The following SLCO1B3 variants were observed in gnomAD, a reference collection of about 807,000 sequenced individuals.
SLCO1B3 encodes liver-specific organic anion transporter 2.
A neutral mutation model predicts 71.8 loss-of-function variants in SLCO1B3; 72 were observed. That is an observed-to-expected ratio of 1.00 (90% confidence interval 0.83 to 1.22). The LOEUF (loss-of-function observed/expected upper bound fraction) is 1.22, where lower values mean the gene tolerates loss of function less well. SLCO1B3 is among the 50% of genes most tolerant of loss of function. The pLI, the probability that SLCO1B3 is intolerant of heterozygous loss-of-function variation, is 0.00. For missense variants in SLCO1B3, 911 were observed against 819.7 expected (o/e 1.11, Z -1.36); for synonymous variants, 298 against 278.4 (o/e 1.07, Z -0.70).
intron 11 of SLCO1B3, among the ~76,000 whole-genome samples, chr12:20,880,482 G>A (rs1167548431): frequency 6.6e-6 from 1 of 151,734 alleles, no homozygotes; most frequent in African/African-American, 2.4e-5. Flanking sequence ...AAGAGAAACT[G>A]AATCTCAGAA....
chr12:20,857,127 A>G (rs1865156210), intron 4 of SLCO1B3, among the ~76,000 whole-genome samples: 1 of 152,186 alleles, frequency 6.6e-6, no homozygotes, highest in African/African-American at 2.4e-5. Flanking sequence ...CTACTGTTTT[A>G]TAACATTCAA....
intron 3 of SLCO1B3, among the ~76,000 whole-genome samples, chr12:20,845,848 C>G (rs893140420): frequency 1.3e-5 from 2 of 152,094 alleles, no homozygotes; most frequent in African/African-American, 4.8e-5. Context: ...GTGTTGCTGT[C>G]TACTGATTTC....
chr12:20,842,357 G>C (rs999598731), intron 3 of SLCO1B3, among the ~76,000 whole-genome samples: 13 of 152,078 alleles, frequency 8.5e-5, no homozygotes, highest in African/African-American at 3.1e-4. Context: ...TAATTCTACT[G>C]ACTTTTGTTT....
intron 3 of SLCO1B3, among the ~76,000 whole-genome samples, chr12:20,829,333 A>G (rs1306104584): frequency 1.3e-5 from 2 of 152,168 alleles, no homozygotes; most frequent in African/African-American, 2.4e-5. Context: ...ACTGCTCTCT[A>G]CCATCCTAGA....
intron 8 of SLCO1B3, among the ~76,000 whole-genome samples, chr12:20,863,701 C>G (rs898843207): frequency 6.6e-6 from 1 of 152,094 alleles, no homozygotes; most frequent in Non-Finnish European, 1.5e-5. Context: ...TTTTATATCC[C>G]CAAACAACTT....
intron 15 of SLCO1B3, 98 bp downstream of exon 15, chr12:20,901,565 A>G: frequency 3.2e-6 from 2 of 627,022 alleles, no homozygotes; most frequent in South Asian, 2.1e-5. Context: ...TATTAATGAT[A>G]GCTACCATTT....
At chr12:20,863,946 A>ATT (rs200980650) in intron 8 of SLCO1B3, among the ~76,000 whole-genome samples, 1 of 150,926 alleles carries the variant, frequency 6.6e-6, no homozygotes, top group African/African-American at 2.4e-5. Flanking sequence ...TTCTTCTTAG[A>ATT]TTTTTTTTTA....
chr12:20,872,464 C>A (rs1474419635), intron 8 of SLCO1B3, among the ~76,000 whole-genome samples: 1 of 152,058 alleles, frequency 6.6e-6, no homozygotes, highest in Non-Finnish European at 1.5e-5. Flanking sequence ...GACAAAGTCG[C>A]CTTTATTTTT....
chr12:20,850,652 T>A lies in SLCO1B3; in HGVS notation c.85-4376T>A, dbSNP rs190966546. ...ATAGGTAGTTTTTCTATTCGCTGTA[T>A]TCTCCTAACTTCCACCCTCAGGTAG... On this transcript the variant is annotated intron_variant, in intron 3 of 15. Transcript: ENST00000381545. 6.6e-5 allele frequency among the ~76,000 whole-genome samples: 10 copies of A among 152,356 alleles called. No individual in the cohort carries two copies. The East Asian group carries it at 1.7e-3, about 26-fold the overall frequency.
intron 5 of SLCO1B3, 122 bp from the exon 6 acceptor site, chr12:20,860,895 A>G (rs1409699551): frequency 1.0e-6 from 1 of 1,004,266 alleles, no homozygotes; most frequent in Non-Finnish European, 1.4e-6. Context: ...TTGACAAACA[A>G]GATTCTGGTA....
intron 13 of SLCO1B3, among the ~76,000 whole-genome samples, chr12:20,895,164 C>T (rs1865980189): frequency 6.6e-6 from 1 of 152,132 alleles, no homozygotes. Context: ...GGTGGGGACA[C>T]AGAGCCAAAC....
Position 20,898,426 on chromosome 12 carries a change from C to G in SLCO1B3, c.1683-10C>G. 2 of 1,573,092 alleles carry G rather than the reference C, an allele frequency of 1.3e-6. No homozygotes were observed. Among genetic ancestry groups the G allele is most frequent in the Non-Finnish European group, 1.7e-6 (2 of 1,146,206 alleles). The stretch of plus-strand genomic sequence containing the variant: ...ACATGTATTATTTCTTTGCCTTTAT[C>G]ATATTTCAGGATTGTTCAACCTGAA... On this transcript the variant is annotated splice_polypyrimidine_tract_variant and intron_variant, in intron 13 of 15. Coordinates refer to ENST00000381545, the MANE Select transcript of SLCO1B3 (RefSeq NM_019844.4).
chr12:20,886,382 C>T (rs1865793532), intron 13 of SLCO1B3, among the ~76,000 whole-genome samples: 1 of 152,004 alleles, frequency 6.6e-6, no homozygotes, highest in African/African-American at 2.4e-5. Context: ...ACATTGAGAT[C>T]TTCTAGGGAC....
Position 20,849,397 on chromosome 12 carries a change from C to G in SLCO1B3, c.85-5631C>G, listed in dbSNP as rs549717598. Reference sequence around the variant, plus strand: ...CCAGAAAACTAGTAATATAAGGGACCTCTCTCAACATGATAAGGGCATTTA... The same window carrying G: ...CCAGAAAACTAGTAATATAAGGGACGTCTCTCAACATGATAAGGGCATTTA... On this transcript the variant is annotated intron_variant, in intron 3 of 15. Coordinates refer to ENST00000381545, the MANE Select transcript of SLCO1B3 (RefSeq NM_019844.4). Among the ~76,000 whole-genome samples, 8 of 152,024 alleles carry G rather than the reference C, an allele frequency of 5.3e-5. No homozygotes were observed. The East Asian group carries it at 1.5e-3, about 29-fold the overall frequency.
intron 8 of SLCO1B3, among the ~76,000 whole-genome samples, chr12:20,872,460 G>C (rs1470875265): frequency 3.3e-5 from 5 of 151,966 alleles, no homozygotes; most frequent in Non-Finnish European, 7.4e-5. Context: ...GCAAGACAAA[G>C]TCGCCTTTAT....
At chr12:20,863,702 C>G (rs1865317416) in intron 8 of SLCO1B3, among the ~76,000 whole-genome samples, 1 of 152,100 alleles carries the variant, frequency 6.6e-6, no homozygotes, top group South Asian at 2.1e-4. Context: ...TTTATATCCC[C>G]AAACAACTTT....
At chr12:20,825,931 C>A (rs1048149458) in intron 3 of SLCO1B3, among the ~76,000 whole-genome samples, 1 of 151,578 alleles carries the variant, frequency 6.6e-6, no homozygotes, top group Non-Finnish European at 1.5e-5. Context: ...CTCAATTTTT[C>A]TAAGCAAATA....
chr12:20,870,022 C>G (rs770776255), intron 8 of SLCO1B3, among the ~76,000 whole-genome samples: 4 of 152,076 alleles, frequency 2.6e-5, no homozygotes, highest in Non-Finnish European at 4.4e-5. Context: ...TTGATAATAG[C>G]CATCCTAATG....
chr12:20,842,533 C>T (rs1864825075), intron 3 of SLCO1B3, among the ~76,000 whole-genome samples: 2 of 151,706 alleles, frequency 1.3e-5, no homozygotes, highest in Admixed American at 6.6e-5. Flanking sequence ...ATTCTTTTAC[C>T]ATCATCAACA....
Sources: allele counts gnomAD v4.1 joint callset (sites outside exome capture counted in the v4.1 genomes callset), GRCh38; gene constraint gnomAD v4.1.1; transcripts MANE v1.5; gene names NCBI Gene and HGNC (gene_info 2026-07-23, HGNC 2026-07-21).